C2: variants seen among roughly 807,000 people sequenced by gnomAD.
C2 encodes complement C2.
A neutral mutation model predicts 85.2 loss-of-function variants in C2; 64 were observed. That is an observed-to-expected ratio of 0.75 (90% CI 0.61 to 0.92). The LOEUF (loss-of-function observed/expected upper bound fraction) is 0.92, where lower values mean the gene tolerates loss of function less well. C2 is among the 40% of genes least tolerant of loss of function. C2 has a pLI of 0.00. For missense variants in C2, 820 were observed against 971.6 expected (o/e 0.84, Z 2.07); for synonymous variants, 311 against 370.8 (o/e 0.84, Z 1.85).
rs1769038362 is a variant in C2 at position 31,922,425 on chromosome 6, G to A, written c.-100+2399G>A. Among the ~76,000 whole-genome samples, 1 of 152,184 alleles carries A rather than the reference G, an allele frequency of 6.6e-6. No homozygotes were observed. The highest frequency in any genetic ancestry group is 2.1e-4 in the South Asian group (1 of 4,830). The stretch of plus-strand genomic sequence containing the variant: ...GATAAGGAGTAGACTGGCCACTAGA[G>A]TGGGGTCGGCCTCTGCTATATGCCA... On this transcript the variant is annotated intron_variant, in intron 1 of 3. Transcript: ENST00000413154. The surrounding 1 kb of genome is among the most constrained non-coding windows in gnomAD (Gnocchi z 4.8).
intron 6 of C2, chr6:31,934,726 T>C (rs1483305501): frequency 1.1e-5 from 12 of 1,134,944 alleles, no homozygotes; most frequent in Non-Finnish European, 1.3e-5. Context: ...ATGTGTGTGA[T>C]AGACTGGGCA....
chr6:31,938,498 A>T (rs988989692), intron 8 of C2, among the ~76,000 whole-genome samples: 4 of 146,918 alleles, frequency 2.7e-5, no homozygotes, highest in Non-Finnish European at 6.0e-5. Flanking sequence ...ATATATATAT[A>T]TTTATTTTTT....
At chr6:31,903,666 T>G (rs1445858172) in intron 1 of C2, among the ~76,000 whole-genome samples, 1 of 152,022 alleles carries the variant, frequency 6.6e-6, no homozygotes, top group African/African-American at 2.4e-5. Flanking sequence ...CAACAAATGA[T>G]TGTTGAAGTA....
At chr6:31,926,313 G>C (rs368254191), upstream of C2, among the ~76,000 whole-genome samples, 2 of 151,372 alleles carry the variant, frequency 1.3e-5, no homozygotes, top group East Asian at 3.9e-4. Context: ...CCCTGTCCAA[G>C]GGGAGTCTCA....
chr6:31,900,942 C>T, upstream of C2: 1 of 1,614,218 alleles, frequency 6.2e-7, no homozygotes, highest in Non-Finnish European at 8.5e-7. The surrounding 1 kb of genome is among the most constrained non-coding windows in gnomAD (Gnocchi z 9.7). Flanking sequence ...TGGCTGAGGG[C>T]ATTCCGGCAT....
chr6:31,922,417 C>A lies in C2; in HGVS notation c.-100+2391C>A, dbSNP rs1769037795. ...CCAGACTGGATAAGGAGTAGACTGG[C>A]CACTAGAGTGGGGTCGGCCTCTGCT... On this transcript the variant is annotated intron_variant, in intron 1 of 3. Coordinates refer to the C2 transcript ENST00000413154. The surrounding 1 kb of genome is among the most constrained non-coding windows in gnomAD (Gnocchi z 4.8). 6.6e-6 allele frequency among the ~76,000 whole-genome samples: 1 copy of A among 152,154 alleles called. No individual in the cohort carries two copies. The highest frequency in any genetic ancestry group is 6.5e-5 in the Admixed American group (1 of 15,270).
chr6:31,900,801 G>A (rs1375168014), upstream of C2: 1 of 1,599,534 alleles, frequency 6.3e-7, no homozygotes, highest in Non-Finnish European at 8.5e-7. The surrounding 1 kb of genome is among the most constrained non-coding windows in gnomAD (Gnocchi z 9.7). Flanking sequence ...AGAGGAGGTG[G>A]GGGTGGGGGC....
chr6:31,901,052 A>G, exon 1 of C2: 1 of 1,614,116 alleles, frequency 6.2e-7, no homozygotes, highest in Non-Finnish European at 8.5e-7. Context: ...GCAGGAGAGG[A>G]GCAAGTCGGC....
chr6:31,926,425 C>T (rs371953836), upstream of C2, among the ~76,000 whole-genome samples: 135 of 148,674 alleles, frequency 9.1e-4, 3 homozygotes, highest in South Asian at 9.9e-3. Flanking sequence ...CTCTGCCTCC[C>T]GGGTTCAAGT....
At chr6:31,913,806 A>G (rs547424548) in intron 1 of C2, among the ~76,000 whole-genome samples, 3 of 151,752 alleles carry the variant, frequency 2.0e-5, no homozygotes, top group East Asian at 3.9e-4. Context: ...CACCCGGCTA[A>G]TTTTTGTATT....
At chr6:31,928,312 A>AT in intron 2 of C2, 148 bp downstream of exon 2, 1 of 737,280 alleles carries the variant, frequency 1.4e-6, no homozygotes, top group Non-Finnish European at 2.4e-6. Context: ...AGAAAATGTC[A>AT]ATTGCCAGTA....
At chr6:31,942,830 T>G (rs1019106325) in intron 9 of C2, 129 bp from the exon 10 acceptor site, 2 of 1,088,908 alleles carry the variant, frequency 1.8e-6, no homozygotes, top group Admixed American at 3.7e-5. Flanking sequence ...CAGGTAGCAG[T>G]GGGGAGGACG....
In C2 at chr6:31,932,112, G is replaced by T. The variant is rs28558328; in HGVS notation, c.443-1498G>T. On this transcript the variant is annotated intron_variant, in intron 3 of 17. Coordinates refer to ENST00000299367, the MANE Select transcript of C2 (RefSeq NM_000063.6). ...TCCCGGATGGGGCGGCTGGCCGGGC[G>T]AGGGGCTGACCCCCCCACCTCCCTC... Among the ~76,000 whole-genome samples the T allele has an allele frequency of 1.8e-4, 23 of 126,764 alleles. 1 individual carries two copies. Among genetic ancestry groups the T allele is most frequent in the African/African-American group, 4.2e-4 (13 of 31,254 alleles). 83.2% of individuals were successfully genotyped at this position (126,764 alleles called of 152,430 possible). A position where few individuals can be genotyped will look rare whatever the true frequency, so the allele number is the denominator to read the frequency against.
Position 31,940,018 on chromosome 6 carries a change from C to T in C2, c.1219+698C>T, listed in dbSNP as rs969070439. Among the ~76,000 whole-genome samples, 6 of 152,142 alleles carry T rather than the reference C, an allele frequency of 3.9e-5. No homozygotes were observed. The East Asian group carries it at 5.8e-4, about 15-fold the overall frequency. Reference sequence around the variant, plus strand: ...GTCAAACCCCTGGCCTCAAGTGATCCGCCTGCCTTGGTCTCCCAAGGTGCT... The same window carrying T: ...GTCAAACCCCTGGCCTCAAGTGATCTGCCTGCCTTGGTCTCCCAAGGTGCT... On this transcript the variant is annotated intron_variant, in intron 9 of 17. Transcript: ENST00000299367.
chr6:31,910,180 G>GTT (rs935109413), intron 1 of C2, among the ~76,000 whole-genome samples: 1 of 144,406 alleles, frequency 6.9e-6, no homozygotes, highest in Non-Finnish European at 1.5e-5. Context: ...CGCCTGGCTT[G>GTT]TTTTTTTTTT....
upstream of C2, chr6:31,897,923 C>T (rs1766807688): frequency 9.5e-7 from 1 of 1,055,912 alleles, no homozygotes; most frequent in Non-Finnish European, 1.1e-6. Flanking sequence ...TGTGGCGTCT[C>T]TGTCCCCATC....
intron 1 of C2, among the ~76,000 whole-genome samples, chr6:31,907,845 T>TTC (rs1554272340): frequency 2.2e-5 from 3 of 137,048 alleles, no homozygotes; most frequent in Non-Finnish European, 4.7e-5. Context: ...TTCTGGCTTT[T>TTC]TTTTTTTTTT....
At chr6:31,905,098 C>T (rs1247016773) in intron 1 of C2, among the ~76,000 whole-genome samples, 1 of 151,992 alleles carries the variant, frequency 6.6e-6, no homozygotes, top group Non-Finnish European at 1.5e-5. Flanking sequence ...GTACCAAATG[C>T]CTTGGTGTGG....
intron 7 of C2, chr6:31,936,366 C>T: frequency 2.3e-6 from 1 of 433,466 alleles, no homozygotes; most frequent in Non-Finnish European, 4.3e-6. Flanking sequence ...TGTCATTAGC[C>T]ACCCATACAC....
Sources: allele counts gnomAD v4.1 joint callset (sites outside exome capture counted in the v4.1 genomes callset), GRCh38; gene constraint gnomAD v4.1.1; non-coding constraint Gnocchi (gnomAD v3.1); transcripts MANE v1.5; gene names NCBI Gene and HGNC (gene_info 2026-07-23, HGNC 2026-07-21).